COL20A1: variants seen among roughly 807,000 people sequenced by gnomAD.
COL20A1 encodes collagen type XX alpha 1 chain, also known as collagen alpha-1(XX) chain.
A neutral mutation model predicts 152.9 loss-of-function variants in COL20A1; 164 were observed. That is an observed-to-expected ratio of 1.07 (90% CI 0.94 to 1.22). The LOEUF (loss-of-function observed/expected upper bound fraction) is 1.22, where lower values mean the gene tolerates loss of function less well. Ranked by LOEUF, COL20A1 falls within the 50% of genes most tolerant of loss-of-function variation. COL20A1 has a pLI of 0.00. For missense variants in COL20A1, 1,873 were observed against 1,744.8 expected, an observed-to-expected ratio of 1.07 and a Z score of -1.31; for synonymous variants, 864 against 756.0, an observed-to-expected ratio of 1.14 and a Z score of -2.34.
At chr20:63,327,632 G>A (rs1326313065) in intron 31 of COL20A1, 3 of 386,748 alleles carry the variant, frequency 7.8e-6, no homozygotes, top group African/African-American at 6.1e-5. Flanking sequence ...GGGCCCGGGA[G>A]GGGTCTGTTC....
At chr20:63,318,821 G>A (rs545649190) in intron 21 of COL20A1, among the ~76,000 whole-genome samples, 2 of 152,112 alleles carry the variant, frequency 1.3e-5, no homozygotes, top group Non-Finnish European at 2.9e-5. Flanking sequence ...GGAGGCCCCA[G>A]TGTGGCCTCA....
chr20:63,306,811 G>T lies in COL20A1; in HGVS notation c.497-679G>T, dbSNP rs777433398. Among the ~76,000 whole-genome samples the T allele has an allele frequency of 6.6e-6, 1 of 152,220 alleles. No homozygotes were observed. Among genetic ancestry groups the T allele is most frequent in the Non-Finnish European group, 1.5e-5 (1 of 68,026 alleles). The stretch of plus-strand genomic sequence containing the variant: ...TCCCCCGTCAGACTTGGAACTGAAG[G>T]AAGTGTTCTCCTCAGACTTGGGCAT... On this transcript the variant is annotated intron_variant, in intron 5 of 35. Transcript: ENST00000358894. This position sits in a 1 kb window ranked among gnomAD's most constrained non-coding sequence, Gnocchi z 6.9.
At position 63,311,780 on chromosome 20, in the gene COL20A1, A is replaced by G. The variant is rs6090356; in HGVS notation, c.1663+32A>G. ...GCTCCAACCCCGGCTGCCTGCCCAC[A>G]GGCGGGTGCCCCATCTTGTTCCTCA... is the stretch of plus-strand genomic sequence containing the variant. On this transcript the variant is annotated intron_variant, in intron 13 of 35. Transcript: ENST00000358894. The surrounding 1 kb of genome is among the most constrained non-coding windows in gnomAD (Gnocchi z 4.4). 97,024 of 1,566,760 alleles carry G rather than the reference A, an allele frequency of 0.062. 3,427 individuals are homozygous for G. Among genetic ancestry groups the G allele is most frequent in the South Asian group, 0.11 (9,575 of 86,656 alleles).
chr20:63,316,687 G>T lies in COL20A1; in HGVS notation c.2659G>T (p.Val887Phe). The change falls in exon 21 of 36, where the codon GTC becomes TTC. Residue 887 changes from valine (V) to phenylalanine (F), a missense_variant. By Grantham distance (50) the Val-to-Phe change is conservative (BLOSUM62 -1). Transcript: ENST00000358894. ...CAAGGACGCCCAGCTGACAAGACGG[G>T]TCAGGTGTGAGGGCAAGGGCTGGGG... The part of the protein sequence containing the change: ...LFKDAQLTRR[V>F]SDVYPAPLPP... The T allele has an allele frequency of 1.9e-6, 3 of 1,560,266 alleles. No homozygotes were observed. Among genetic ancestry groups the T allele is most frequent in the Non-Finnish European group, 2.6e-6 (3 of 1,153,480 alleles).
At position 63,308,678 on chromosome 20, in the gene COL20A1, G is replaced by T. The variant is rs778101404; in HGVS notation, c.912G>T (p.Lys304Asn). 5 of 1,606,382 alleles carry T rather than the reference G, an allele frequency of 3.1e-6. No homozygotes were observed. The highest frequency in any genetic ancestry group is 4.2e-6 in the Non-Finnish European group (5 of 1,176,960). Residue 304 changes from lysine (K) to asparagine (N), a missense_variant, in exon 8 of 36, where the codon AAG (lysine) becomes AAT (asparagine). Transcript: ENST00000358894. The part of the protein sequence containing the change: ...DDVHTAARVL[K>N]DLGVNVFAVG... ...TGCACACTGCTGCCCGTGTCCTCAA[G>T]GACCTGGGCGTGAACGTCTTCGCTG...
chr20:63,315,141 C>T (rs976407056), intron 19 of COL20A1, among the ~76,000 whole-genome samples: 10 of 152,364 alleles, frequency 6.6e-5, no homozygotes, highest in South Asian at 6.2e-4. Context: ...TGGTACGACC[C>T]GGGGCCCACT....
Position 63,314,085 on chromosome 20 carries a change from G to A in COL20A1, c.2372G>A (p.Gly791Glu), listed in dbSNP as rs751552999. The change falls in exon 19 of 36, where the codon GGA (glycine) becomes GAA (glutamate). Residue 791 changes from glycine to glutamate, a missense_variant. Transcript: ENST00000358894. ...LGPEKSVSVP[G>E]ARSHVTLPDL... ...CCCTTCTCCTAGGTCTCTGTGCCAG[G>A]AGCCAGGAGCCACGTGACACTGCCC... 6.2e-6 allele frequency: 10 copies of A among 1,612,794 alleles called. No homozygotes were observed. In the South Asian group the frequency reaches 9.9e-5, roughly 16 times the overall value.
chr20:63,297,599 C>A (rs1375459613), intron 2 of COL20A1, among the ~76,000 whole-genome samples: 2 of 152,204 alleles, frequency 1.3e-5, no homozygotes, highest in Non-Finnish European at 2.9e-5. Flanking sequence ...GGTGGGAGGA[C>A]CCCCGGAGAG....
Position 63,325,513 on chromosome 20 carries a change from G to A in COL20A1, c.3348+19G>A. 1 of 1,604,788 alleles carries A rather than the reference G, an allele frequency of 6.2e-7. No individual in the cohort carries two copies. On this transcript the variant is annotated intron_variant, in intron 28 of 35. Transcript: ENST00000358894. Reference sequence around the variant, plus strand: ...CTTGCAGGTAGTGTGGCTGGGGCCAGGGGGCCACAGGGGTTGGTGGGGGTG... The same window carrying A: ...CTTGCAGGTAGTGTGGCTGGGGCCAAGGGGCCACAGGGGTTGGTGGGGGTG...
Position 63,311,150 on chromosome 20 carries a change from G to A in COL20A1, c.1394-244G>A, listed in dbSNP as rs538060912. Among the ~76,000 whole-genome samples, 1 of 152,228 alleles carries A rather than the reference G, an allele frequency of 6.6e-6. No individual in the cohort carries two copies. The highest frequency in any genetic ancestry group is 2.1e-4 in the South Asian group (1 of 4,828). On this transcript the variant is annotated intron_variant, in intron 11 of 35. Transcript: ENST00000358894. The surrounding 1 kb of genome is among the most constrained non-coding windows in gnomAD (Gnocchi z 4.4). ...TTCCCAAAGCCCTTTTCACCCCCCG[G>A]AGGCCACATTCCTCCCATGACCTCA... is the stretch of plus-strand genomic sequence containing the variant.
intron 3 of COL20A1, among the ~76,000 whole-genome samples, chr20:63,302,744 C>T (rs2067876372): frequency 6.6e-6 from 1 of 152,176 alleles, no homozygotes; most frequent in Non-Finnish European, 1.5e-5. Context: ...CTCCCTTTTC[C>T]TTGACATTTA....
At position 63,311,470 on chromosome 20, in the gene COL20A1, G is replaced by A. The variant is rs1253098330; in HGVS notation, c.1470G>A (p.Ser490=). The A allele has an allele frequency of 7.6e-6, 12 of 1,575,300 alleles. No homozygotes were observed. The highest frequency in any genetic ancestry group is 1.2e-5 in the South Asian group (1 of 86,402). Reference sequence around the variant, plus strand: ...CCGTCCACCTCACCTGGCAGCCCTCGGCCGGGGCCACCCACTACCTGGTGC... The same window carrying A: ...CCGTCCACCTCACCTGGCAGCCCTCAGCCGGGGCCACCCACTACCTGGTGC... ...PRTVHLTWQP[S]AGATHYLVRC... Residue 490 remains serine, a synonymous_variant, in exon 12 of 36, where the codon TCG becomes TCA. Transcript: ENST00000358894. The surrounding 1 kb of genome is among the most constrained non-coding windows in gnomAD (Gnocchi z 4.4).
At chr20:63,297,102 C>CA (rs776307181) in intron 2 of COL20A1, among the ~76,000 whole-genome samples, 3 of 152,214 alleles carry the variant, frequency 2.0e-5, no homozygotes, top group Non-Finnish European at 2.9e-5. Flanking sequence ...AACGTGCACA[C>CA]ACGTGCCAAT....
chr20:63,316,918 T>C lies in COL20A1; in HGVS notation c.2663+227T>C, dbSNP rs974339162. Among the ~76,000 whole-genome samples the C allele has an allele frequency of 3.3e-5, 5 of 152,342 alleles. No individual in the cohort carries two copies. The South Asian group carries it at 1.0e-3, about 32-fold the overall frequency. ...CATGGGCAGAGTGAGGCCAGCCCCTTGGCATATTTTGGCAACCAAGTATGG... is the reference window on the plus strand; with the variant it reads ...CATGGGCAGAGTGAGGCCAGCCCCTCGGCATATTTTGGCAACCAAGTATGG... On this transcript the variant is annotated intron_variant, in intron 21 of 35. Transcript: ENST00000358894.
At chr20:63,304,310 G>T (rs368235085) in intron 3 of COL20A1, among the ~76,000 whole-genome samples, 1 of 110,082 alleles carries the variant, frequency 9.1e-6, no homozygotes. Flanking sequence ...CAGGTGTGCA[G>T]GTGTGGGTTC....
intron 3 of COL20A1, among the ~76,000 whole-genome samples, chr20:63,299,341 C>G (rs1011979089): frequency 6.6e-6 from 1 of 152,176 alleles, no homozygotes; most frequent in Non-Finnish European, 1.5e-5. Context: ...GTGTATACTC[C>G]CGTCAACACT....
At chr20:63,324,661 G>C (rs150811634) in intron 27 of COL20A1, 3 of 152,486 alleles carry the variant, frequency 2.0e-5, no homozygotes, top group Non-Finnish European at 4.4e-5. Context: ...CTGAATTCTC[G>C]TTATCCATGC....
intron 19 of COL20A1, 61 bp downstream of exon 19, chr20:63,314,262 C>T: frequency 2.1e-6 from 3 of 1,436,514 alleles, no homozygotes; most frequent in Non-Finnish European, 2.9e-6. Context: ...CCCTAGACCC[C>T]AGACCCTGCC....
chr20:63,305,314 A>C lies in COL20A1; in HGVS notation c.194-103A>C, dbSNP rs568711045. ...CTGTCTCTCTGGCTTCAAGGGGAGCAGCTGGGGTGGGGAGGAGGAGCCAAG... is the reference window on the plus strand; with the variant it reads ...CTGTCTCTCTGGCTTCAAGGGGAGCCGCTGGGGTGGGGAGGAGGAGCCAAG... On this transcript the variant is annotated intron_variant, in intron 3 of 35. Coordinates refer to ENST00000358894, the MANE Select transcript of COL20A1 (RefSeq NM_020882.4). The surrounding 1 kb of genome is among the most constrained non-coding windows in gnomAD (Gnocchi z 4.9). 6.9e-5 allele frequency: 64 copies of C among 924,806 alleles called. No homozygotes were observed. The African/African-American group carries it at 1.1e-3, about 15-fold the overall frequency. 57.3% of individuals were successfully genotyped at this position (924,806 alleles called of 1,614,324 possible).
Sources: allele counts gnomAD v4.1 joint callset (sites outside exome capture counted in the v4.1 genomes callset), GRCh38; gene constraint gnomAD v4.1.1; non-coding constraint Gnocchi (gnomAD v3.1); transcripts MANE v1.5; gene names NCBI Gene and HGNC (gene_info 2026-07-23, HGNC 2026-07-21).